IGF2BP1: variants seen among roughly 807,000 people sequenced by gnomAD.
IGF2BP1 encodes insulin like growth factor 2 mRNA binding protein 1.
Under a neutral mutation model 74.9 loss-of-function variants are expected in IGF2BP1, and 11 were observed. The ratio of observed to expected loss-of-function variants is 0.15; its 90% CI spans 0.09 to 0.24. The LOEUF (loss-of-function observed/expected upper bound fraction) is 0.24, where lower values mean the gene tolerates loss of function less well. Among genes scored for constraint, IGF2BP1 ranks in the 10% least tolerant of loss-of-function variants. IGF2BP1 has a pLI of 1.00. For missense variants in IGF2BP1, 440 were observed against 757.4 expected, an observed-to-expected ratio of 0.58 and a Z score of 4.92; for synonymous variants, 287 against 281.8, an observed-to-expected ratio of 1.02 and a Z score of -0.18.
At chr17:49,017,015 CCT>C (rs2041713880) in intron 2 of IGF2BP1, among the ~76,000 whole-genome samples, 1 of 151,586 alleles carries the variant, frequency 6.6e-6, no homozygotes, top group Non-Finnish European at 1.5e-5. Context: ...GCCTCTCCAC[CCT>C]GTAGGGATAA....
chr17:48,999,082 T>C (rs752147268), intron 1 of IGF2BP1, 27 bp from the exon 2 acceptor site: 17 of 1,336,970 alleles, frequency 1.3e-5, no homozygotes, highest in Non-Finnish European at 1.8e-5. Context: ...CAAGCTCTCA[T>C]GGTAATTTTT....
chr17:49,047,417 CTG>C (rs1047389315), intron 14 of IGF2BP1, among the ~76,000 whole-genome samples: 2 of 152,022 alleles, frequency 1.3e-5, no homozygotes, highest in Non-Finnish European at 2.9e-5. Context: ...ATACCCAGCA[CTG>C]TTTTATGTGG....
chr17:49,055,446 T>G lies in IGF2BP1; in HGVS notation c.*6002T>G. On this transcript the variant is annotated 3_prime_UTR_variant, in exon 15 of 15. Coordinates refer to ENST00000290341, the MANE Select transcript of IGF2BP1 (RefSeq NM_006546.4). ...TCAGTCACCCCTGTCCCCCCTCCCC[T>G]GCCAATAAGCTCCCCCAGGAATAAA... is the stretch of plus-strand genomic sequence containing the variant. 1.0e-4 allele frequency: 32 copies of G among 318,164 alleles called. No homozygotes were observed. Among genetic ancestry groups the G allele is most frequent in the South Asian group, 1.6e-4 (1 of 6,258 alleles). 19.7% of individuals were successfully genotyped at this position (318,164 alleles called of 1,614,324 possible). A position where few individuals can be genotyped will look rare whatever the true frequency, so the allele number is the denominator to read the frequency against.
intron 11 of IGF2BP1, 130 bp from the exon 12 acceptor site, chr17:49,044,861 G>C (rs569873195): frequency 1.5e-5 from 11 of 750,512 alleles, no homozygotes; most frequent in Non-Finnish European, 2.3e-5. Flanking sequence ...CAGGGTCTTT[G>C]TTCTTCCTCC....
At chr17:49,046,112 C>A in intron 13 of IGF2BP1, 91 bp downstream of exon 13, 1 of 1,513,648 alleles carries the variant, frequency 6.6e-7, no homozygotes, top group Non-Finnish European at 9.1e-7. Flanking sequence ...AACCTCAGGA[C>A]TCCTGATTTG....
At chr17:49,046,048 C>G in intron 13 of IGF2BP1, 27 bp downstream of exon 13, 1 of 1,611,516 alleles carries the variant, frequency 6.2e-7, no homozygotes, top group Non-Finnish European at 8.5e-7. Flanking sequence ...AGGTTGAAAG[C>G]CCTGGGCCTT....
intron 6 of IGF2BP1, among the ~76,000 whole-genome samples, chr17:49,039,684 C>G (rs1012839480): frequency 2.0e-5 from 3 of 152,118 alleles, no homozygotes; most frequent in Non-Finnish European, 4.4e-5. Flanking sequence ...GCCTCGGCCT[C>G]CAAAAGTGCT....
intron 2 of IGF2BP1, chr17:49,014,888 C>G: frequency 4.1e-6 from 4 of 985,338 alleles, no homozygotes; most frequent in Non-Finnish European, 4.8e-6. Context: ...GTTTCCTCTC[C>G]TGGCTCCTGA....
chr17:49,013,578 C>T (rs1002843839), intron 2 of IGF2BP1: 4 of 152,520 alleles, frequency 2.6e-5, no homozygotes, highest in African/African-American at 9.6e-5. Context: ...GCTTGCAGGC[C>T]TGGTGCAGGC....
chr17:49,046,299 G>T lies in IGF2BP1; in HGVS notation c.1567G>T (p.Val523Leu). 1 of 1,614,138 alleles carries T rather than the reference G, an allele frequency of 6.2e-7. No individual in the cohort carries two copies. Among genetic ancestry groups the T allele is most frequent in the Non-Finnish European group, 8.5e-7 (1 of 1,180,020 alleles). The change falls in exon 14 of 15, where the codon GTA becomes TTA. Residue 523 changes from valine to leucine, a missense_variant. This residue lies in a region of IGF2BP1 where 117 missense variants were observed against 237.2 expected (regional missense o/e 0.49). Coordinates refer to ENST00000290341, the MANE Select transcript of IGF2BP1 (RefSeq NM_006546.4). ...GAATTTGACGGCAGCTGAGGTGGTA[G>T]TACCAAGAGACCAGACCCCTGATGA... ...LQNLTAAEVV[V>L]PRDQTPDEND...
chr17:49,039,421 T>C (rs937967670), intron 6 of IGF2BP1, among the ~76,000 whole-genome samples: 4 of 151,896 alleles, frequency 2.6e-5, no homozygotes, highest in African/African-American at 9.7e-5. Context: ...TGCTTGCTTA[T>C]TTATTTATTT....
At chr17:49,034,239 A>C (rs897499254) in intron 5 of IGF2BP1, among the ~76,000 whole-genome samples, 1 of 149,380 alleles carries the variant, frequency 6.7e-6, no homozygotes, top group African/African-American at 2.5e-5. Flanking sequence ...CCTCCCGAGT[A>C]GTTGGGACTA....
intron 9 of IGF2BP1, 68 bp from the exon 10 acceptor site, chr17:49,043,360 A>G: frequency 6.3e-7 from 1 of 1,583,760 alleles, no homozygotes; most frequent in Non-Finnish European, 8.6e-7. Flanking sequence ...CGCCTTTTAT[A>G]CAGCGGGGGT....
chr17:49,051,417 A>T lies in IGF2BP1; in HGVS notation c.*1973A>T, dbSNP rs62078409. ...AAGGCCCAGGTTTGAGAGAGCCCAG[A>T]GGGGCAGAGCCCAGAGCCTTGTTTG... On this transcript the variant is annotated 3_prime_UTR_variant, in exon 15 of 15. Coordinates refer to ENST00000290341, the MANE Select transcript of IGF2BP1 (RefSeq NM_006546.4). 5,733 of 152,786 alleles carry T rather than the reference A, an allele frequency of 0.038. 153 individuals carry two copies. The highest frequency in any genetic ancestry group is 0.052 in the Non-Finnish European group (3,571 of 68,084). The allele number at this position is 152,786 out of a possible 1,614,324, so 9.5% of individuals were successfully genotyped here. A position where few individuals can be genotyped will look rare whatever the true frequency, so the allele number is the denominator to read the frequency against.
intron 2 of IGF2BP1, among the ~76,000 whole-genome samples, chr17:49,015,398 C>CTCGG (rs1376752395): frequency 1.3e-5 from 2 of 152,228 alleles, no homozygotes; most frequent in Admixed American, 1.3e-4. Flanking sequence ...CCACCTTTCC[C>CTCGG]TCGGTCGGAG....
At position 49,038,265 on chromosome 17, in the gene IGF2BP1, C is replaced by T. The variant is rs1364176184; in HGVS notation, c.499C>T (p.Arg167Cys). 2.8e-5 allele frequency: 44 copies of T among 1,599,612 alleles called. No homozygotes were observed. Among genetic ancestry groups the T allele is most frequent in the African/African-American group, 4.0e-5 (3 of 74,502 alleles). Residue 167 changes from arginine to cysteine, a missense_variant, in exon 6 of 15, where the codon CGC (arginine) becomes TGC (cysteine). Physicochemically the swap from Arg to Cys is radical, Grantham distance 180. Coordinates refer to ENST00000290341, the MANE Select transcript of IGF2BP1 (RefSeq NM_006546.4). ...EQIAQGPENG[R>C]RGGFGSRGQP... ...GATAGCACAGGGACCTGAGAATGGG[C>T]GCCGAGGGGGCTTTGGCTCTCGGGG...
chr17:49,041,639 G>A (rs2042054017), intron 8 of IGF2BP1, 139 bp downstream of exon 8: 1 of 1,162,370 alleles, frequency 8.6e-7, no homozygotes, highest in Admixed American at 2.3e-5. Flanking sequence ...AGTCGAAGTG[G>A]TAAAGAGCAT....
At chr17:48,999,523 A>G (rs1479488219) in intron 2 of IGF2BP1, among the ~76,000 whole-genome samples, 1 of 152,116 alleles carries the variant, frequency 6.6e-6, no homozygotes, top group Non-Finnish European at 1.5e-5. Context: ...GTTCAGACTC[A>G]TGGCGATTTC....
chr17:49,008,925 C>A (rs1276521286), intron 2 of IGF2BP1, among the ~76,000 whole-genome samples: 1 of 151,724 alleles, frequency 6.6e-6, no homozygotes, highest in Admixed American at 6.6e-5. Flanking sequence ...TAGTAAGAGT[C>A]TACTATTGCA....
Sources: gnomAD v4.1 joint callset for allele counts (sites outside exome capture counted in the v4.1 genomes callset) on GRCh38, gnomAD v4.1.1 for gene constraint, gnomAD v4.1.1 regional missense constraint, MANE v1.5 for transcripts, NCBI Gene and HGNC (gene_info 2026-07-23, HGNC 2026-07-21) for gene names.